The following UBE3A variants were observed in gnomAD, a reference collection of about 807,000 sequenced individuals.
The protein encoded by UBE3A is ubiquitin-protein ligase E3A.
UBE3A carries 6 observed loss-of-function variants against 83.4 expected under a neutral mutation model. The observed-to-expected ratio is 0.07, with a 90% CI of 0.04 to 0.14. The LOEUF (loss-of-function observed/expected upper bound fraction) is 0.14, where lower values mean the gene tolerates loss of function less well. Among genes scored for constraint, UBE3A ranks in the 10% least tolerant of loss-of-function variants. The probability of loss-of-function intolerance (pLI) is 1.00; values close to 1 mark genes in which losing one functional copy is unlikely to be tolerated. For synonymous variants in UBE3A, 337 were observed against 355.4 expected (o/e 0.95, Z 0.58); for missense variants, 456 against 1,036.1 (o/e 0.44, Z 7.69).
In UBE3A at chr15:25,370,665, T is replaced by C; in HGVS notation, c.1509A>G (p.Arg503=). The change falls in exon 6 of 13, where the codon AGA becomes AGG. Residue 503 remains arginine, a synonymous_variant. Transcript: ENST00000648336. The surrounding 1 kb of genome is among the most constrained non-coding windows in gnomAD (Gnocchi z 4.2). Reference sequence around the variant, plus strand: ...GAACTAAGCTGTAGAGAACAGTGATTCTTCGTTCACTGTACATGCGAATTC... The same window carrying C: ...GAACTAAGCTGTAGAGAACAGTGATCCTTCGTTCACTGTACATGCGAATTC... The part of the protein sequence containing the change: ...DNRIRMYSER[R]ITVLYSLVQG... The C allele has an allele frequency of 6.2e-7, 1 of 1,614,120 alleles. No homozygotes were observed. Among genetic ancestry groups the C allele is most frequent in the Non-Finnish European group, 8.5e-7 (1 of 1,179,954 alleles).
At chr15:25,346,988 G>A (rs2075786174) in intron 11 of UBE3A, 1 of 152,192 alleles carries the variant, frequency 6.6e-6, no homozygotes, top group African/African-American at 2.4e-5. Flanking sequence ...TCAAGAAGCT[G>A]AGCGAACCCC....
At chr15:25,358,638 T>C (rs2152716248) in intron 7 of UBE3A, among the ~76,000 whole-genome samples, 1 of 152,328 alleles carries the variant, frequency 6.6e-6, no homozygotes, top group Non-Finnish European at 1.5e-5. Context: ...ATAAGTATTT[T>C]AACCTGTTTA....
chr15:25,336,234 GA>G lies in UBE3A; in HGVS notation c.*2902del, dbSNP rs1202524829. 6.6e-6 allele frequency: 1 copy of G among 152,210 alleles called. No individual in the cohort carries two copies. The highest frequency in any genetic ancestry group is 2.4e-5 in the African/African-American group (1 of 41,436). The allele number at this position is 152,210 out of a possible 1,614,324, so 9.4% of individuals were successfully genotyped here. A position where few individuals can be genotyped will look rare whatever the true frequency, so the allele number is the denominator to read the frequency against. ...TTTTTGGATTATACAGTGGCTCATGGAAGGGTGGGAGGGGTACAGATGGCCC... is the reference window on the plus strand; with the variant it reads ...TTTTTGGATTATACAGTGGCTCATGGAGGGTGGGAGGGGTACAGATGGCCC... On this transcript the variant is annotated 3_prime_UTR_variant, in exon 13 of 13. Transcript: ENST00000648336.
rs148239005 is a variant in UBE3A, at chr15:25,344,862, C to G, written c.2355-4634G>C. Reference sequence around the variant, plus strand: ...CATTTTGCAATCCCCAATGAGATAACAGATTAAGGTAATGATACTGATAAA... The same window carrying G: ...CATTTTGCAATCCCCAATGAGATAAGAGATTAAGGTAATGATACTGATAAA... On this transcript the variant is annotated intron_variant, in intron 11 of 12. Coordinates refer to ENST00000648336, the MANE Select transcript of UBE3A (RefSeq NM_130839.5). Among the ~76,000 whole-genome samples, 323 of 152,070 alleles carry G rather than the reference C, an allele frequency of 2.1e-3. 1 individual carries two copies. The highest frequency in any genetic ancestry group is 3.4e-3 in the Non-Finnish European group (231 of 67,974).
intron 1 of UBE3A, among the ~76,000 whole-genome samples, chr15:25,433,408 G>C (rs1050609715): frequency 6.6e-6 from 1 of 151,972 alleles, no homozygotes; most frequent in Non-Finnish European, 1.5e-5. Flanking sequence ...GGATGGTCTC[G>C]ATCTCCTGAT....
At chr15:25,368,940 CT>C (rs973452635) in intron 6 of UBE3A, among the ~76,000 whole-genome samples, 4 of 152,000 alleles carry the variant, frequency 2.6e-5, no homozygotes, top group African/African-American at 9.7e-5. Context: ...ATTTCATTGC[CT>C]TTTAAAGGCT....
In UBE3A at chr15:25,338,784, G is replaced by GCAGTAATAAACACAAGCAAAAGTGAT. The variant is rs2074229312; in HGVS notation, c.*327_*352dup. On this transcript the variant is annotated 3_prime_UTR_variant, in exon 13 of 13. Coordinates refer to ENST00000648336, the MANE Select transcript of UBE3A (RefSeq NM_130839.5). ...AAATACTCAAAAGGCTCAACCTCAA[G>GCAGTAATAAACACAAGCAAAAGTGAT]CAGTAATAAACACAAGCAAAAGTGA... The GCAGTAATAAACACAAGCAAAAGTGAT allele has an allele frequency of 6.5e-6, 1 of 153,896 alleles. No individual in the cohort carries two copies. The highest frequency in any genetic ancestry group is 1.4e-5 in the Non-Finnish European group (1 of 69,454). The allele number at this position is 153,896 out of a possible 1,614,324, so 9.5% of individuals were successfully genotyped here.
intron 4 of UBE3A, among the ~76,000 whole-genome samples, chr15:25,392,237 G>A (rs1830340964): frequency 6.6e-6 from 1 of 152,166 alleles, no homozygotes. Context: ...CTCTAGTCAG[G>A]TCATCACTTT....
rs1443815379 is a variant in UBE3A, at chr15:25,401,763, C to CT, written c.62+3697dup. On this transcript the variant is annotated intron_variant, in intron 4 of 12. Coordinates refer to ENST00000648336, the MANE Select transcript of UBE3A (RefSeq NM_130839.5). ...TTATTTTTTTTATCTTGAGTCATCT[C>CT]TTTTTTCCTTAGTCTAGCCAAATAA... Among the ~76,000 whole-genome samples, 21 of 152,166 alleles carry CT rather than the reference C, an allele frequency of 1.4e-4. No individual in the cohort carries two copies. The East Asian group carries it at 4.1e-3, about 29-fold the overall frequency.
chr15:25,358,178 C>G (rs1323978674), intron 7 of UBE3A, among the ~76,000 whole-genome samples: 1 of 151,968 alleles, frequency 6.6e-6, no homozygotes, highest in Non-Finnish European at 1.5e-5. Context: ...TCAAGACCAG[C>G]CTGGGCAAGA....
chr15:25,426,736 A>T (rs1438304677), intron 1 of UBE3A, among the ~76,000 whole-genome samples: 1 of 152,216 alleles, frequency 6.6e-6, no homozygotes, highest in East Asian at 1.9e-4. Flanking sequence ...TTGTTCTAAA[A>T]ACCATACGTA....
chr15:25,408,389 G>C (rs550056192), intron 3 of UBE3A: 118 of 608,182 alleles, frequency 1.9e-4, no homozygotes, highest in Non-Finnish European at 2.4e-4. Flanking sequence ...TATAACCAAA[G>C]GGAAATTTTT....
Position 25,334,665 on chromosome 15 carries a change from C to T in UBE3A, c.*4472G>A, listed in dbSNP as rs1430795782. ...CAAATCTAAACTTACTACCAAGCTACAGCCATCAAGACAGTGCGGTGCTGG... is the reference window on the plus strand; with the variant it reads ...CAAATCTAAACTTACTACCAAGCTATAGCCATCAAGACAGTGCGGTGCTGG... On this transcript the variant is annotated 3_prime_UTR_variant, in exon 13 of 13. Coordinates refer to ENST00000648336, the MANE Select transcript of UBE3A (RefSeq NM_130839.5). 2 of 150,596 alleles carry T rather than the reference C, an allele frequency of 1.3e-5. No homozygotes were observed. The highest frequency in any genetic ancestry group is 1.3e-4 in the Admixed American group (2 of 15,140). The allele number at this position is 150,596 out of a possible 1,614,324, so 9.3% of individuals were successfully genotyped here.
At chr15:25,412,825 A>G (rs2090231538) in intron 1 of UBE3A, among the ~76,000 whole-genome samples, 1 of 152,218 alleles carries the variant, frequency 6.6e-6, no homozygotes, top group South Asian at 2.1e-4. Context: ...GGTTTTAGAG[A>G]CTGACTTTCA....
intron 5 of UBE3A, 129 bp downstream of exon 5, chr15:25,375,336 T>TA (rs1228812627): frequency 9.1e-7 from 1 of 1,099,762 alleles, no homozygotes; most frequent in Non-Finnish European, 1.3e-6. Flanking sequence ...GTTACCACAA[T>TA]AAAAAATTGG....
At chr15:25,389,252 A>G (rs921387274) in intron 4 of UBE3A, among the ~76,000 whole-genome samples, 16 of 52,442 alleles carry the variant, frequency 3.1e-4, no homozygotes, top group Non-Finnish European at 6.8e-4. Context: ...ATAACTGAAC[A>G]TCCACATGCA....
intron 4 of UBE3A, among the ~76,000 whole-genome samples, chr15:25,398,195 A>C (rs1257878829): frequency 6.8e-6 from 1 of 147,448 alleles, no homozygotes; most frequent in Admixed American, 6.7e-5. Context: ...AAAAAAACAC[A>C]AAAAACAAAA....
At chr15:25,398,190 A>AAAAAAAAAAAAAAAAAAAAAAAAAAAC (rs2086040175) in intron 4 of UBE3A, among the ~76,000 whole-genome samples, 1 of 98,262 alleles carries the variant, frequency 1.0e-5, no homozygotes, top group African/African-American at 3.0e-5. Flanking sequence ...AAAAAAAAAA[A>AAAAAAAAAAAAAAAAAAAAAAAAAAAC]ACACAAAAAA....
Position 25,337,861 on chromosome 15 carries a change from T to C in UBE3A, c.*1276A>G, listed in dbSNP as rs966827328. 4.6e-5 allele frequency: 7 copies of C among 152,204 alleles called. No homozygotes were observed. Among genetic ancestry groups the C allele is most frequent in the Admixed American group, 4.6e-4 (7 of 15,288 alleles). 9.4% of individuals were successfully genotyped at this position (152,204 alleles called of 1,614,324 possible). On this transcript the variant is annotated 3_prime_UTR_variant, in exon 13 of 13. Transcript: ENST00000648336. ...AGAAGACTAGGAAAGGGGAAACTAC[T>C]TACTTCTGGAAATCAGTAATGTAAA...
Sources: gnomAD v4.1 joint callset for allele counts (sites outside exome capture counted in the v4.1 genomes callset) on GRCh38, gnomAD v4.1.1 for gene constraint, Gnocchi (gnomAD v3.1) non-coding constraint, MANE v1.5 for transcripts, NCBI Gene and HGNC (gene_info 2026-07-23, HGNC 2026-07-21) for gene names.